CRADD: variants seen among roughly 807,000 people sequenced by gnomAD.
CRADD encodes the protein CARD and death domain containing adaptor protein.
CRADD carries 9 observed loss-of-function variants against 15.5 expected under a neutral mutation model. The observed-to-expected ratio is 0.58, with a 90% CI of 0.35 to 1.01. The LOEUF (loss-of-function observed/expected upper bound fraction) is 1.01. CRADD is among the 50% of genes least tolerant of loss of function. The probability of loss-of-function intolerance (pLI) is 0.02; values close to 1 mark genes in which losing one functional copy is unlikely to be tolerated. For missense variants in CRADD, 227 were observed against 250.3 expected, an observed-to-expected ratio of 0.91 and a Z score of 0.63; for synonymous variants, 118 against 107.6, an observed-to-expected ratio of 1.10 and a Z score of -0.60.
rs985334638 is a variant in CRADD, at chr12:93,867,403, A to ATATATATATATATTTTT, written c.299-26646_299-26645insATATATATATATTTTTT. On this transcript the variant is annotated intron_variant, in intron 2 of 2. Coordinates refer to the CRADD transcript ENST00000548483. ...TTGTATTTGACATATATATATATAT[A>ATATATATATATATTTTT]TTTTTTAAACTTGGAAGTCCAAGAT... 2.0e-4 allele frequency among the ~76,000 whole-genome samples: 29 copies of ATATATATATATATTTTT among 143,424 alleles called. 1 individual carries two copies. The highest frequency in any genetic ancestry group is 6.3e-4 in the East Asian group (3 of 4,790). 94.1% of individuals were successfully genotyped at this position (143,424 alleles called of 152,430 possible).
chr12:93,810,840 G>GTGTATTTGGATTTATGCC (rs1565923016), intron 2 of CRADD, among the ~76,000 whole-genome samples: 1 of 152,182 alleles, frequency 6.6e-6, no homozygotes, highest in Non-Finnish European at 1.5e-5. Context: ...TCAGTTAACT[G>GTGTATTTGGATTTATGCC]AGGTACAAGT....
intron 2 of CRADD, among the ~76,000 whole-genome samples, chr12:93,730,588 T>A (rs1956445930): frequency 6.6e-6 from 1 of 152,234 alleles, no homozygotes; most frequent in South Asian, 2.1e-4. Context: ...ACAGTGTTCA[T>A]TTCAGTATTG....
intron 2 of CRADD, among the ~76,000 whole-genome samples, chr12:93,698,885 C>T (rs953521658): frequency 6.6e-6 from 1 of 152,162 alleles, no homozygotes; most frequent in African/African-American, 2.4e-5. Context: ...TTTGTTAACA[C>T]GTTGTCTCTG....
chr12:93,678,722 C>T, intron 1 of CRADD, 47 bp from the exon 2 acceptor site: 3 of 1,572,306 alleles, frequency 1.9e-6, no homozygotes, highest in Non-Finnish European at 2.6e-6. Flanking sequence ...TCTTTAGGGC[C>T]ACATCAACAT....
intron 2 of CRADD, chr12:93,737,634 T>C (rs1956594118): frequency 6.6e-6 from 1 of 152,208 alleles, no homozygotes; most frequent in Non-Finnish European, 1.5e-5. Context: ...TGGTTTCTTT[T>C]GGAGCAGAGA....
intron 2 of CRADD, among the ~76,000 whole-genome samples, chr12:93,775,018 G>T (rs1407062077): frequency 6.6e-6 from 1 of 152,196 alleles, no homozygotes; most frequent in Non-Finnish European, 1.5e-5. Flanking sequence ...ACTTGTGTTT[G>T]TGTAGTTGGT....
At chr12:93,883,943 G>A (rs1399179583) in intron 2 of CRADD, among the ~76,000 whole-genome samples, 1 of 152,182 alleles carries the variant, frequency 6.6e-6, no homozygotes, top group Non-Finnish European at 1.5e-5. Context: ...TCTCCAGGAG[G>A]CTTCTCAGGA....
intron 2 of CRADD, chr12:93,815,269 G>C (rs901052190): frequency 5.9e-5 from 9 of 152,074 alleles, no homozygotes; most frequent in African/African-American, 2.2e-4. Flanking sequence ...ACTTTATTTT[G>C]CTCAGAACTT....
chr12:93,851,670 C>T (rs769589176), downstream of CRADD, among the ~76,000 whole-genome samples: 3 of 152,152 alleles, frequency 2.0e-5, no homozygotes, highest in Non-Finnish European at 4.4e-5. Flanking sequence ...CTACTATTGC[C>T]ACATTTCTTA....
chr12:93,745,237 A>T (rs968559049), intron 2 of CRADD, among the ~76,000 whole-genome samples: 1 of 152,186 alleles, frequency 6.6e-6, no homozygotes, highest in Admixed American at 6.5e-5. Flanking sequence ...CTTAAATTCT[A>T]ATTTTTCTCA....
At chr12:93,874,061 A>G (rs1203573602) in intron 2 of CRADD, among the ~76,000 whole-genome samples, 1 of 152,126 alleles carries the variant, frequency 6.6e-6, no homozygotes, top group African/African-American at 2.4e-5. Flanking sequence ...TCAGCAGTGA[A>G]GCCATTAGGT....
rs137991029 is a variant in CRADD at position 93,796,567 on chromosome 12, T to C, written c.299-53403T>C. ...GTGCAGTGAGCCGAGATCACGCCAC[T>C]GTACTCCAGCAGGGTGACGAGCAAA... On this transcript the variant is annotated intron_variant, in intron 2 of 2. Coordinates refer to ENST00000332896, the MANE Select transcript of CRADD (RefSeq NM_003805.5). Among the ~76,000 whole-genome samples, 1,311 of 148,186 alleles carry C rather than the reference T, an allele frequency of 8.8e-3. 18 individuals carry two copies. The highest frequency in any genetic ancestry group is 0.03 in the African/African-American group (1,215 of 40,004).
At chr12:93,888,331 G>T (rs917289136) in intron 2 of CRADD, among the ~76,000 whole-genome samples, 4 of 151,810 alleles carry the variant, frequency 2.6e-5, no homozygotes, top group African/African-American at 9.7e-5. Context: ...AGGCTGAGGT[G>T]GGAGAATGGC....
chr12:93,687,124 C>G (rs541905384), intron 2 of CRADD, among the ~76,000 whole-genome samples: 75 of 152,248 alleles, frequency 4.9e-4, no homozygotes, highest in African/African-American at 1.7e-3. Context: ...AGACTTTCAT[C>G]GAGTATTTAT....
Position 93,882,395 on chromosome 12 carries a change from A to T in CRADD, c.299-11655A>T, listed in dbSNP as rs1321736240. Among the ~76,000 whole-genome samples, 8 of 143,334 alleles carry T rather than the reference A, an allele frequency of 5.6e-5. No homozygotes were observed. The Admixed American group carries it at 5.7e-4, about 10-fold the overall frequency. 94.0% of individuals were successfully genotyped at this position (143,334 alleles called of 152,430 possible). A position where few individuals can be genotyped will look rare whatever the true frequency, so the allele number is the denominator to read the frequency against. On this transcript the variant is annotated intron_variant, in intron 2 of 2. Transcript: ENST00000548483. ...GAGTCTGTGCCACTGTACTCCAGCC[A>T]GGGCGACAGAGCGAGACTCTGTCTC...
intron 2 of CRADD, among the ~76,000 whole-genome samples, chr12:93,802,118 C>A (rs11107193): frequency 0.39 from 59,897 of 152,048 alleles, 12,284 homozygotes; most frequent in East Asian, 0.7. Flanking sequence ...GGCTGGTTCC[C>A]TATCTTTGCA....
intron 2 of CRADD, among the ~76,000 whole-genome samples, chr12:93,725,250 A>G (rs1956338567): frequency 1.3e-5 from 2 of 152,120 alleles, no homozygotes; most frequent in Non-Finnish European, 2.9e-5. Context: ...GTGGTCCAGT[A>G]TGGGTATCAG....
At chr12:93,875,344 C>T (rs1392365093) in intron 2 of CRADD, among the ~76,000 whole-genome samples, 1 of 151,556 alleles carries the variant, frequency 6.6e-6, no homozygotes, top group Non-Finnish European at 1.5e-5. Flanking sequence ...CTTGTTTTTT[C>T]ATCCATTCAT....
intron 2 of CRADD, among the ~76,000 whole-genome samples, chr12:93,856,822 T>A (rs1039092493): frequency 1.3e-5 from 2 of 152,236 alleles, no homozygotes; most frequent in African/African-American, 4.8e-5. Context: ...TTCTTTTTTA[T>A]GACATCCCTA....
Sources: allele counts gnomAD v4.1 joint callset (sites outside exome capture counted in the v4.1 genomes callset), GRCh38; gene constraint gnomAD v4.1.1; transcripts MANE v1.5; gene names NCBI Gene and HGNC (gene_info 2026-07-23, HGNC 2026-07-21).